Variants in CDC14B observed in about 807,000 individuals in gnomAD.
CDC14B encodes the protein cell division cycle 14B.
In CDC14B, 22 loss-of-function variants were observed where a neutral mutation model predicts 64.2. The ratio of observed to expected loss-of-function variants is 0.34; its 90% CI spans 0.24 to 0.49. The LOEUF (loss-of-function observed/expected upper bound fraction) is 0.49, where lower values mean the gene tolerates loss of function less well. CDC14B is among the 20% of genes least tolerant of loss of function. CDC14B has a pLI of 0.99. For missense variants in CDC14B, 498 were observed against 629.9 expected, an observed-to-expected ratio of 0.79 and a Z score of 2.24; for synonymous variants, 191 against 215.8, an observed-to-expected ratio of 0.89 and a Z score of 1.01.
At chr9:96,583,373 A>ATTG (rs755655091) in intron 1 of CDC14B, among the ~76,000 whole-genome samples, 3 of 114,324 alleles carry the variant, frequency 2.6e-5, no homozygotes, top group Non-Finnish European at 5.9e-5. Flanking sequence ...GTATTTATTT[A>ATTG]TTATTATTAT....
intron 1 of CDC14B, among the ~76,000 whole-genome samples, chr9:96,571,319 G>A (rs535799792): frequency 4.7e-4 from 71 of 151,966 alleles, no homozygotes; most frequent in Non-Finnish European, 8.5e-4. Context: ...GGGACTACAG[G>A]CGTGTGCCAC....
intron 7 of CDC14B, 106 bp from the exon 8 acceptor site, chr9:96,534,648 G>C (rs1281335498): frequency 8.4e-6 from 6 of 716,176 alleles, no homozygotes; most frequent in Non-Finnish European, 1.4e-5. Flanking sequence ...TGCTTTAGCG[G>C]AAAAGCTGTT....
At chr9:96,526,677 C>T (rs1837615035) in intron 9 of CDC14B, among the ~76,000 whole-genome samples, 1 of 152,144 alleles carries the variant, frequency 6.6e-6, no homozygotes, top group Non-Finnish European at 1.5e-5. Context: ...AAATAAGATC[C>T]TCTCTAGGCT....
At chr9:96,531,716 AAT>A (rs1838517420) in intron 9 of CDC14B, among the ~76,000 whole-genome samples, 1 of 152,278 alleles carries the variant, frequency 6.6e-6, no homozygotes, top group South Asian at 2.1e-4. Context: ...TTATTTTACA[AAT>A]TACAATAATT....
intron 4 of CDC14B, among the ~76,000 whole-genome samples, chr9:96,561,501 C>T (rs547567614): frequency 6.6e-6 from 1 of 151,782 alleles, no homozygotes; most frequent in Non-Finnish European, 1.5e-5. Context: ...TTTTTTGAGA[C>T]GGAGTCTCGC....
At chr9:96,509,141 C>T (rs1834573008) in intron 13 of CDC14B, among the ~76,000 whole-genome samples, 1 of 152,166 alleles carries the variant, frequency 6.6e-6, no homozygotes, top group South Asian at 2.1e-4. Context: ...ACAGAGTCAC[C>T]GACGTGGCCA....
chr9:96,568,975 C>T (rs1212306711), intron 1 of CDC14B, among the ~76,000 whole-genome samples: 3 of 151,790 alleles, frequency 2.0e-5, no homozygotes, highest in Admixed American at 6.6e-5. Flanking sequence ...GACTGTTAAG[C>T]GCTACCACTT....
chr9:96,547,757 C>T (rs1841169296), intron 5 of CDC14B, among the ~76,000 whole-genome samples: 1 of 151,970 alleles, frequency 6.6e-6, no homozygotes, highest in African/African-American at 2.4e-5. Context: ...CCAGCCTATA[C>T]CAAGTGTTTT....
At chr9:96,569,348 T>C (rs1319312754) in intron 1 of CDC14B, among the ~76,000 whole-genome samples, 1 of 150,910 alleles carries the variant, frequency 6.6e-6, no homozygotes, top group Non-Finnish European at 1.5e-5. Flanking sequence ...TACCTATCTC[T>C]TGAAATTCCA....
Position 96,500,947 on chromosome 9 carries a change from C to G in CDC14B, c.*2806G>C, listed in dbSNP as rs1467184027. The G allele has an allele frequency of 6.6e-6, 1 of 152,032 alleles. No individual in the cohort carries two copies. Among genetic ancestry groups the G allele is most frequent in the Non-Finnish European group, 1.5e-5 (1 of 68,120 alleles). 9.4% of individuals were successfully genotyped at this position (152,032 alleles called of 1,614,324 possible). A position where few individuals can be genotyped will look rare whatever the true frequency, so the allele number is the denominator to read the frequency against. ...AACTCCTCTAAAACTTGCCTAGGCC[C>G]AAGAAAACAGAGAGGTAGCAATCAC... is the stretch of plus-strand genomic sequence containing the variant. On this transcript the variant is annotated 3_prime_UTR_variant, in exon 14 of 14. Transcript: ENST00000375241.
chr9:96,532,047 C>A (rs562326474), intron 9 of CDC14B, among the ~76,000 whole-genome samples: 1 of 152,140 alleles, frequency 6.6e-6, no homozygotes, highest in Non-Finnish European at 1.5e-5. Context: ...TACTTAATCC[C>A]CTTACTAGTT....
chr9:96,522,150 G>A (rs1218860946), intron 12 of CDC14B, among the ~76,000 whole-genome samples: 1 of 152,178 alleles, frequency 6.6e-6, no homozygotes, highest in Non-Finnish European at 1.5e-5. Flanking sequence ...CAAATGATCT[G>A]CAACATGGCA....
At position 96,500,966 on chromosome 9, in the gene CDC14B, C is replaced by G. The variant is rs1564181676; in HGVS notation, c.*2787G>C. The G allele has an allele frequency of 6.6e-6, 1 of 152,276 alleles. No individual in the cohort carries two copies. The highest frequency in any genetic ancestry group is 1.5e-5 in the Non-Finnish European group (1 of 68,166). The allele number at this position is 152,276 out of a possible 1,614,324, so 9.4% of individuals were successfully genotyped here. A position where few individuals can be genotyped will look rare whatever the true frequency, so the allele number is the denominator to read the frequency against. On this transcript the variant is annotated 3_prime_UTR_variant, in exon 14 of 14. Transcript: ENST00000375241. ...TAGGCCCAAGAAAACAGAGAGGTAGCAATCACCCCTGTGAGAGGGCTAGAG... is the reference window on the plus strand; with the variant it reads ...TAGGCCCAAGAAAACAGAGAGGTAGGAATCACCCCTGTGAGAGGGCTAGAG...
chr9:96,583,727 A>AC (rs1845304959), intron 1 of CDC14B, among the ~76,000 whole-genome samples: 1 of 138,482 alleles, frequency 7.2e-6, no homozygotes, highest in East Asian at 2.2e-4. Context: ...TTTTATTTTT[A>AC]TTTTTTTTTG....
chr9:96,571,801 C>A (rs942307733), intron 1 of CDC14B, among the ~76,000 whole-genome samples: 1 of 152,118 alleles, frequency 6.6e-6, no homozygotes, highest in Non-Finnish European at 1.5e-5. Flanking sequence ...TTCCCCAACC[C>A]AAGGCAGGGC....
chr9:96,522,641 T>C, intron 11 of CDC14B, 38 bp from the exon 12 acceptor site: 1 of 1,338,436 alleles, frequency 7.5e-7, no homozygotes, highest in South Asian at 1.2e-5. Flanking sequence ...ATGATTTAAG[T>C]TGCACTTATT....
At chr9:96,508,420 C>T (rs998132157) in intron 13 of CDC14B, among the ~76,000 whole-genome samples, 4 of 152,200 alleles carry the variant, frequency 2.6e-5, no homozygotes, top group Non-Finnish European at 5.9e-5. Flanking sequence ...AATCTTGAGC[C>T]CATTTCCTGT....
At chr9:96,538,864 C>G (rs1388620845) in intron 7 of CDC14B, 1 of 491,008 alleles carries the variant, frequency 2.0e-6, no homozygotes, top group Non-Finnish European at 3.6e-6. Context: ...GAGTACATCT[C>G]AGGTATTCTC....
chr9:96,573,537 TC>T (rs1343694557), intron 1 of CDC14B, among the ~76,000 whole-genome samples: 1 of 152,072 alleles, frequency 6.6e-6, no homozygotes, highest in Non-Finnish European at 1.5e-5. Context: ...AGACTCAATA[TC>T]ATAAAGATAG....
Sources: allele counts gnomAD v4.1 joint callset (sites outside exome capture counted in the v4.1 genomes callset), GRCh38; gene constraint gnomAD v4.1.1; transcripts MANE v1.5; gene names NCBI Gene and HGNC (gene_info 2026-07-23, HGNC 2026-07-21).